Variants in GKAP1 observed in about 807,000 individuals in gnomAD.
GKAP1 encodes the protein G kinase anchoring protein 1.
Under a neutral mutation model 56.7 loss-of-function variants are expected in GKAP1, and 31 were observed. The observed-to-expected ratio is 0.55, with a 90% CI of 0.41 to 0.74. The LOEUF is 0.74. Ranked by LOEUF, GKAP1 falls within the 30% of genes least tolerant of loss-of-function variation. The probability of loss-of-function intolerance (pLI) is 0.00; values close to 1 mark genes in which losing one functional copy is unlikely to be tolerated. For synonymous variants in GKAP1, 151 were observed against 138.6 expected, an observed-to-expected ratio of 1.09 and a Z score of -0.63; for missense variants, 364 against 402.3, an observed-to-expected ratio of 0.90 and a Z score of 0.82.
At chr9:83,790,835 A>G (rs1944145857) in intron 4 of GKAP1, among the ~76,000 whole-genome samples, 1 of 152,120 alleles carries the variant, frequency 6.6e-6, no homozygotes, top group Non-Finnish European at 1.5e-5. Flanking sequence ...GAAAAAAAGA[A>G]AAAGTAACAA....
chr9:83,792,513 G>C (rs1186993936), intron 4 of GKAP1, among the ~76,000 whole-genome samples: 2 of 152,104 alleles, frequency 1.3e-5, no homozygotes, highest in East Asian at 3.9e-4. Flanking sequence ...AAATAAAGAA[G>C]AGACTGATCA....
At chr9:83,799,049 T>C (rs1944290987) in intron 4 of GKAP1, 136 bp downstream of exon 4, 1 of 725,156 alleles carries the variant, frequency 1.4e-6, no homozygotes, top group African/African-American at 1.9e-5. Flanking sequence ...GAACCTCTTA[T>C]TAAAAGCAAC....
chr9:83,815,251 T>G (rs188512440), intron 2 of GKAP1, among the ~76,000 whole-genome samples: 2 of 151,902 alleles, frequency 1.3e-5, no homozygotes, highest in African/African-American at 2.4e-5. Context: ...TAAAAATGAA[T>G]AGCCTAAGCT....
intron 8 of GKAP1, among the ~76,000 whole-genome samples, chr9:83,755,141 C>T (rs907584296): frequency 6.6e-6 from 1 of 152,080 alleles, no homozygotes; most frequent in African/African-American, 2.4e-5. Context: ...AATCTCACTT[C>T]TAGGAATTTA....
intron 4 of GKAP1, among the ~76,000 whole-genome samples, chr9:83,794,504 T>C (rs1190719026): frequency 6.6e-6 from 1 of 152,152 alleles, no homozygotes; most frequent in Non-Finnish European, 1.5e-5. Context: ...AAAAAAACCT[T>C]TATCAAATGA....
chr9:83,753,269 T>C lies in GKAP1; in HGVS notation c.829A>G (p.Thr277Ala). 2 of 1,591,260 alleles carry C rather than the reference T, an allele frequency of 1.3e-6. No individual in the cohort carries two copies. The highest frequency in any genetic ancestry group is 1.7e-6 in the Non-Finnish European group (2 of 1,160,110). The change falls in exon 9 of 13, where the codon ACT (threonine) becomes GCT (alanine). Residue 277 changes from threonine to alanine, a missense_variant. Physicochemically the swap from Thr to Ala is moderately conservative, Grantham distance 58. Coordinates refer to ENST00000376371, the MANE Select transcript of GKAP1 (RefSeq NM_025211.4). Reference sequence around the variant, plus strand: ...AAATGGACACAAACCTCCCATTGAGTGATTACATTTTTCAGCTTCTGGATT... The same window carrying C: ...AAATGGACACAAACCTCCCATTGAGCGATTACATTTTTCAGCTTCTGGATT... ...AEIQKLKNVI[T>A]QWEAKYKEVK...
rs374242404 is a variant in GKAP1, at chr9:83,799,084, T to C, written c.360+101A>G. 101 of 942,110 alleles carry C rather than the reference T, an allele frequency of 1.1e-4. No individual in the cohort carries two copies. The African/African-American group carries it at 1.6e-3, about 15-fold the overall frequency. The allele number at this position is 942,110 out of a possible 1,614,324, so 58.4% of individuals were successfully genotyped here. A position where few individuals can be genotyped will look rare whatever the true frequency, so the allele number is the denominator to read the frequency against. On this transcript the variant is annotated intron_variant, in intron 4 of 12. Transcript: ENST00000376371. ...CAAATATGAATTAATCCAATACAAA[T>C]TGCTTCTCAGAACAGTGGTGACGTG...
intron 3 of GKAP1, among the ~76,000 whole-genome samples, chr9:83,804,907 G>A (rs1371669932): frequency 6.0e-5 from 9 of 150,418 alleles, no homozygotes; most frequent in Non-Finnish European, 1.2e-4. Flanking sequence ...GCCTCTGCCC[G>A]GCCGCCCCTA....
intron 7 of GKAP1, among the ~76,000 whole-genome samples, chr9:83,776,183 A>C (rs1398135870): frequency 6.6e-6 from 1 of 152,180 alleles, no homozygotes; most frequent in Non-Finnish European, 1.5e-5. Flanking sequence ...TTTATGCTGG[A>C]TTGAGTTGGG....
At chr9:83,780,626 C>T (rs1212822428) in intron 6 of GKAP1, among the ~76,000 whole-genome samples, 1 of 152,052 alleles carries the variant, frequency 6.6e-6, no homozygotes, top group Non-Finnish European at 1.5e-5. Flanking sequence ...GCTTAAGGAA[C>T]GTCTTATCCT....
At chr9:83,785,464 C>T (rs954870194) in intron 5 of GKAP1, among the ~76,000 whole-genome samples, 8 of 152,122 alleles carry the variant, frequency 5.3e-5, no homozygotes, top group Non-Finnish European at 1.0e-4. Flanking sequence ...TAAGCATCTC[C>T]ACACGAAATG....
Position 83,739,848 on chromosome 9 carries a change from A to T in GKAP1, c.1054-104T>A, listed in dbSNP as rs546047620. The T allele has an allele frequency of 7.3e-5, 59 of 803,248 alleles. No individual in the cohort carries two copies. The East Asian group carries it at 1.4e-3, about 19-fold the overall frequency. The allele number at this position is 803,248 out of a possible 1,614,324, so 49.8% of individuals were successfully genotyped here. A position where few individuals can be genotyped will look rare whatever the true frequency, so the allele number is the denominator to read the frequency against. ...AAAGGCATCTTGGGGTATGAGAAGGAAGCAATTTCTTTTTTGATTTTGTTG... is the reference window on the plus strand; with the variant it reads ...AAAGGCATCTTGGGGTATGAGAAGGTAGCAATTTCTTTTTTGATTTTGTTG... On this transcript the variant is annotated intron_variant, in intron 12 of 12. Coordinates refer to ENST00000376371, the MANE Select transcript of GKAP1 (RefSeq NM_025211.4).
At chr9:83,778,879 T>C (rs1003614119) in intron 7 of GKAP1, among the ~76,000 whole-genome samples, 1 of 98,338 alleles carries the variant, frequency 1.0e-5, no homozygotes, top group Non-Finnish European at 2.4e-5. Context: ...AGAACACAGC[T>C]CTAAAATAAG....
chr9:83,749,547 T>G (rs913705720), intron 9 of GKAP1, among the ~76,000 whole-genome samples: 3 of 152,118 alleles, frequency 2.0e-5, no homozygotes, highest in African/African-American at 4.8e-5. Flanking sequence ...TTATAAAGAT[T>G]TAATACATTA....
At chr9:83,767,914 T>C (rs1012064339) in intron 8 of GKAP1, among the ~76,000 whole-genome samples, 1 of 152,210 alleles carries the variant, frequency 6.6e-6, no homozygotes, top group Non-Finnish European at 1.5e-5. Flanking sequence ...CTTGAACTCC[T>C]GGCCTCAAGT....
At chr9:83,740,248 C>T (rs968758997) in intron 12 of GKAP1, among the ~76,000 whole-genome samples, 1 of 151,974 alleles carries the variant, frequency 6.6e-6, no homozygotes, top group African/African-American at 2.4e-5. Flanking sequence ...TGCTTAGTTG[C>T]ATATATAAAT....
chr9:83,783,996 G>A (rs956868149), intron 6 of GKAP1, among the ~76,000 whole-genome samples: 13 of 149,764 alleles, frequency 8.7e-5, no homozygotes, highest in African/African-American at 3.1e-4. Flanking sequence ...CAGGTGTGGT[G>A]GCTCACGCCT....
chr9:83,750,589 A>C (rs1364099371), intron 9 of GKAP1, among the ~76,000 whole-genome samples: 1 of 152,128 alleles, frequency 6.6e-6, no homozygotes, highest in Non-Finnish European at 1.5e-5. Context: ...AGCAGTGAAC[A>C]TGTTCCAATT....
At chr9:83,753,521 C>T (rs968025831) in intron 8 of GKAP1, among the ~76,000 whole-genome samples, 162 bp from the exon 9 acceptor site, 2 of 152,104 alleles carry the variant, frequency 1.3e-5, no homozygotes, top group Non-Finnish European at 2.9e-5. Flanking sequence ...TTATATAATC[C>T]TAATACACAA....
Sources: gnomAD v4.1 joint callset for allele counts (sites outside exome capture counted in the v4.1 genomes callset) on GRCh38, gnomAD v4.1.1 for gene constraint, MANE v1.5 for transcripts, NCBI Gene and HGNC (gene_info 2026-07-23, HGNC 2026-07-21) for gene names.